The following NOP58 variants were observed in gnomAD, a reference collection of about 807,000 sequenced individuals.
The protein encoded by NOP58 is NOP58 ribonucleoprotein.
In NOP58, 44 loss-of-function variants were observed where a neutral mutation model predicts 71.2. The ratio of observed to expected loss-of-function variants is 0.62; its 90% CI spans 0.49 to 0.79. The LOEUF is 0.79. Among genes scored for constraint, NOP58 ranks in the 30% least tolerant of loss-of-function variants. The pLI is 0.00. For synonymous variants in NOP58, 228 were observed against 200.3 expected (o/e 1.14, Z -1.17); for missense variants, 538 against 620.2 (o/e 0.87, Z 1.41).
At chr2:202,302,879 T>A in intron 13 of NOP58, 42 bp from the exon 14 acceptor site, 1 of 1,577,416 alleles carries the variant, frequency 6.3e-7, no homozygotes, top group South Asian at 1.2e-5. Context: ...TGAGATCTGA[T>A]ACAGTGTTAA....
rs556850136 is a variant in NOP58 at position 202,289,211 on chromosome 2, C to T, written c.500-1112C>T. On this transcript the variant is annotated intron_variant, in intron 6 of 14. Coordinates refer to ENST00000264279, the MANE Select transcript of NOP58 (RefSeq NM_015934.5). ...AAAACAGAACTGAGTTGCTTGTACACCTATGTTCATAACAGTGTTATTTAC... is the reference window on the plus strand; with the variant it reads ...AAAACAGAACTGAGTTGCTTGTACATCTATGTTCATAACAGTGTTATTTAC... Among the ~76,000 whole-genome samples, 66 of 152,248 alleles carry T rather than the reference C, an allele frequency of 4.3e-4. No homozygotes were observed. In the South Asian group the frequency reaches 0.013, roughly 30 times the overall value.
chr2:202,295,472 T>G (rs1688973914), intron 9 of NOP58, among the ~76,000 whole-genome samples: 1 of 152,180 alleles, frequency 6.6e-6, no homozygotes, highest in Non-Finnish European at 1.5e-5. Flanking sequence ...TCCTAGGCAT[T>G]CATTGCAAAC....
At chr2:202,286,947 C>T (rs866698075) in intron 5 of NOP58, among the ~76,000 whole-genome samples, 4 of 152,024 alleles carry the variant, frequency 2.6e-5, no homozygotes, top group African/African-American at 9.7e-5. Flanking sequence ...CATTTTTATA[C>T]AGACAATATT....
intron 3 of NOP58, 124 bp from the exon 4 acceptor site, chr2:202,282,227 A>G: frequency 1.4e-6 from 1 of 698,144 alleles, no homozygotes; most frequent in Non-Finnish European, 2.4e-6. Context: ...ATTTCATTTC[A>G]GAAGTAACAT....
At chr2:202,297,738 T>C in intron 11 of NOP58, 107 bp from the exon 12 acceptor site, 1 of 808,482 alleles carries the variant, frequency 1.2e-6, no homozygotes, top group South Asian at 2.0e-5. Flanking sequence ...AAACAAAAAA[T>C]AGCAGAAATT....
At chr2:202,274,400 ATTTTTT>A (rs1173477305) in intron 1 of NOP58, among the ~76,000 whole-genome samples, 3 of 104,670 alleles carry the variant, frequency 2.9e-5, no homozygotes, top group African/African-American at 1.2e-4. Context: ...CTAATTTTGT[ATTTTTT>A]TTTTTTTTTT....
intron 6 of NOP58, among the ~76,000 whole-genome samples, chr2:202,288,169 G>A (rs58834901): frequency 0.23 from 34,880 of 151,992 alleles, 6,087 homozygotes; most frequent in African/African-American, 0.49. Context: ...GTATTCTGCT[G>A]TGTCATTAAA....
intron 1 of NOP58, among the ~76,000 whole-genome samples, chr2:202,267,212 A>G (rs796522698): frequency 7.2e-5 from 11 of 152,310 alleles, no homozygotes; most frequent in African/African-American, 2.6e-4. Context: ...TATTCTACAT[A>G]TATATATGTT....
chr2:202,268,361 C>T (rs1229552683), intron 1 of NOP58, among the ~76,000 whole-genome samples: 2 of 151,754 alleles, frequency 1.3e-5, no homozygotes, highest in African/African-American at 4.8e-5. Context: ...GGTGAAACCC[C>T]GTCTCTACTA....
chr2:202,294,189 T>A (rs1481086855), intron 9 of NOP58, among the ~76,000 whole-genome samples: 4 of 151,832 alleles, frequency 2.6e-5, no homozygotes, highest in African/African-American at 7.3e-5. Flanking sequence ...CTTGGTGGCA[T>A]GAGCCTGTAA....
chr2:202,268,505 A>G (rs1452415709), intron 1 of NOP58, among the ~76,000 whole-genome samples: 1 of 151,704 alleles, frequency 6.6e-6, no homozygotes, highest in African/African-American at 2.4e-5. Context: ...ATTGCACTCC[A>G]GCCTGGGCAA....
At chr2:202,297,316 A>G in intron 10 of NOP58, 63 bp from the exon 11 acceptor site, 3 of 1,432,970 alleles carry the variant, frequency 2.1e-6, no homozygotes, top group Non-Finnish European at 2.9e-6. Flanking sequence ...ATTTTAAAAC[A>G]TCCAAGTTAT....
intron 1 of NOP58, 64 bp downstream of exon 1, chr2:202,266,050 G>C: frequency 6.3e-7 from 1 of 1,579,800 alleles, no homozygotes; most frequent in Non-Finnish European, 8.7e-7. Context: ...GAGAGGGAAA[G>C]ACTTAAGCAC....
chr2:202,279,011 T>TA (rs961683996), intron 3 of NOP58, among the ~76,000 whole-genome samples: 17 of 152,162 alleles, frequency 1.1e-4, no homozygotes, highest in African/African-American at 4.1e-4. Context: ...TATACAGCCA[T>TA]AAAAAAAACT....
intron 3 of NOP58, among the ~76,000 whole-genome samples, chr2:202,279,822 A>G (rs2105842737): frequency 6.6e-6 from 1 of 152,342 alleles, no homozygotes; most frequent in African/African-American, 2.4e-5. Flanking sequence ...AGTAGTGTAC[A>G]GTAAATGGAC....
At chr2:202,302,788 TTATAAAATA>T in intron 13 of NOP58, 124 bp from the exon 14 acceptor site, 2 of 1,269,604 alleles carry the variant, frequency 1.6e-6, no homozygotes, top group Admixed American at 4.8e-5. Context: ...ACCTTCCCAA[TTATAAAATA>T]AACAAAACAA....
At position 202,265,932 on chromosome 2, in the gene NOP58, C is replaced by G; in HGVS notation, c.-10C>G. 6.2e-7 allele frequency: 1 copy of G among 1,614,176 alleles called. No homozygotes were observed. The highest frequency in any genetic ancestry group is 1.1e-5 in the South Asian group (1 of 91,076). On this transcript the variant is annotated 5_prime_UTR_variant, in exon 1 of 15. Transcript: ENST00000264279. The stretch of plus-strand genomic sequence containing the variant: ...TGGCAGGCCGTGCGGCGCCCTGACC[C>G]GGCCTCACCATGTTGGTGCTGTTTG...
chr2:202,275,855 G>C (rs1688581149), intron 2 of NOP58, among the ~76,000 whole-genome samples: 1 of 152,114 alleles, frequency 6.6e-6, no homozygotes, highest in Admixed American at 6.6e-5. Flanking sequence ...TTTTAGTAGA[G>C]ACAGGGTTTC....
chr2:202,265,834 G>C lies in NOP58; in HGVS notation c.-108G>C. 1 of 1,247,372 alleles carries C rather than the reference G, an allele frequency of 8.0e-7. No individual in the cohort carries two copies. The highest frequency in any genetic ancestry group is 1.2e-6 in the Non-Finnish European group (1 of 858,688). The allele number at this position is 1,247,372 out of a possible 1,614,324, so 77.3% of individuals were successfully genotyped here. ...TTTGCGGGACGGCGAGCGCATTTGT[G>C]CTTTGCCCGCCGCGGCCTAGGAGGC... On this transcript the variant is annotated 5_prime_UTR_variant, in exon 1 of 15. Coordinates refer to ENST00000264279, the MANE Select transcript of NOP58 (RefSeq NM_015934.5).
Sources: gnomAD v4.1 joint callset for allele counts (sites outside exome capture counted in the v4.1 genomes callset) on GRCh38, gnomAD v4.1.1 for gene constraint, MANE v1.5 for transcripts, NCBI Gene and HGNC (gene_info 2026-07-23, HGNC 2026-07-21) for gene names.